The following ZBTB10 variants were observed in gnomAD, a reference collection of about 807,000 sequenced individuals.
The protein encoded by ZBTB10 is zinc finger and BTB domain containing 10.
Under a neutral mutation model 76.4 loss-of-function variants are expected in ZBTB10, and 32 were observed. That is an observed-to-expected ratio of 0.42 (90% CI 0.32 to 0.56). ZBTB10 has a LOEUF of 0.56. ZBTB10 is among the 20% of genes least tolerant of loss of function. The pLI, the probability that ZBTB10 is intolerant of heterozygous loss-of-function variation, is 0.14. For missense variants in ZBTB10, 1,057 were observed against 1,098.5 expected, an observed-to-expected ratio of 0.96 and a Z score of 0.53; for synonymous variants, 523 against 432.9, an observed-to-expected ratio of 1.21 and a Z score of -2.58.
rs1012648319 is a variant in ZBTB10 at position 80,525,035 on chromosome 8, C to T, written c.*5507C>T. On this transcript the variant is annotated 3_prime_UTR_variant, in exon 6 of 6. Coordinates refer to ENST00000455036, the MANE Select transcript of ZBTB10 (RefSeq NM_001105539.3). The stretch of plus-strand genomic sequence containing the variant: ...AAATTTGGTATGTATAAGTACTGGA[C>T]GAAGGATGTTTTGACACTAAAAAGG... The T allele has an allele frequency of 4.6e-5, 7 of 151,688 alleles. No individual in the cohort carries two copies. The highest frequency in any genetic ancestry group is 7.3e-5 in the African/African-American group (3 of 41,272). 9.4% of individuals were successfully genotyped at this position (151,688 alleles called of 1,614,324 possible).
chr8:80,490,269 T>G (rs1815590177), intron 1 of ZBTB10, among the ~76,000 whole-genome samples: 1 of 152,164 alleles, frequency 6.6e-6, no homozygotes, highest in African/African-American at 2.4e-5. Flanking sequence ...CTTTTTGTTT[T>G]GTTTTTTTGA....
In ZBTB10 at chr8:80,487,254, G is replaced by T. The variant is rs1398996646; in HGVS notation, c.444G>T (p.Trp148Cys). 1.4e-5 allele frequency: 22 copies of T among 1,551,102 alleles called. No homozygotes were observed. Among genetic ancestry groups the T allele is most frequent in the Admixed American group, 1.9e-5 (1 of 51,582 alleles). ...SSRGRPETSV[W>C]PLRHFNGRGP... Reference sequence around the variant, plus strand: ...GCGGCCGCCCCGAGACCTCGGTGTGGCCCTTGAGGCATTTCAATGGGCGAG... The same window carrying T: ...GCGGCCGCCCCGAGACCTCGGTGTGTCCCTTGAGGCATTTCAATGGGCGAG... Residue 148 changes from tryptophan to cysteine, a missense_variant, in exon 1 of 6, where the codon TGG becomes TGT. This residue lies in a region of ZBTB10 where 556 missense variants were observed against 451.7 expected (regional missense o/e 1.23). Transcript: ENST00000455036.
In ZBTB10 at chr8:80,487,601, C is replaced by G; in HGVS notation, c.791C>G (p.Ser264Cys). 1 of 1,613,716 alleles carries G rather than the reference C, an allele frequency of 6.2e-7. No homozygotes were observed. The highest frequency in any genetic ancestry group is 8.5e-7 in the Non-Finnish European group (1 of 1,179,760). ...AAGGACTTTCCCTGGCTGCGCTATT[C>G]CAAGGATACTGGTCTTATGTCTTGC... ...WLKDFPWLRY[S>C]KDTGLMSCGW... is the part of the protein sequence containing the mutation. Residue 264 changes from serine (S) to cysteine (C), a missense_variant, in exon 1 of 6, where the codon TCC becomes TGC. Physicochemically the swap from Ser to Cys is moderately radical, Grantham distance 112. Transcript: ENST00000455036.
intron 2 of ZBTB10, among the ~76,000 whole-genome samples, chr8:80,506,944 A>G (rs1449973010): frequency 6.7e-6 from 1 of 149,410 alleles, no homozygotes; most frequent in Non-Finnish European, 1.5e-5. Flanking sequence ...GGGTTCTAAT[A>G]ATTAGGGGGA....
chr8:80,486,637 C>T lies in ZBTB10; in HGVS notation c.-174C>T. 7.1e-6 allele frequency: 7 copies of T among 988,168 alleles called. No individual in the cohort carries two copies. Among genetic ancestry groups the T allele is most frequent in the Non-Finnish European group, 8.4e-6 (7 of 832,010 alleles). The allele number at this position is 988,168 out of a possible 1,614,324, so 61.2% of individuals were successfully genotyped here. ...AGCGGCAGCGGACGCGTGCAGCAGA[C>T]CCGGGAGCGAGCGCGAGCCGGGCTG... On this transcript the variant is annotated 5_prime_UTR_variant, in exon 1 of 6. Coordinates refer to ENST00000455036, the MANE Select transcript of ZBTB10 (RefSeq NM_001105539.3).
At chr8:80,485,767 C>G, upstream of ZBTB10, 1 of 1,533,094 alleles carries the variant, frequency 6.5e-7, no homozygotes, top group Non-Finnish European at 8.7e-7. Flanking sequence ...TTGGGCACCG[C>G]CACCCACCCT....
chr8:80,501,848 T>C (rs1815933718), intron 2 of ZBTB10, among the ~76,000 whole-genome samples: 1 of 152,254 alleles, frequency 6.6e-6, no homozygotes, highest in South Asian at 2.1e-4. Flanking sequence ...GCTAGCACTT[T>C]GTTTTGTCTT....
rs531241942 is a variant in ZBTB10, at chr8:80,495,123, A to ATCTC, written c.973-4361_973-4358dup. ...ATTTGGGAGGGAGAAGGGGATTCAA[A>ATCTC]TCTCTCTCTCTCTTTTTTTTTTTTT... On this transcript the variant is annotated intron_variant, in intron 1 of 5. Transcript: ENST00000455036. Among the ~76,000 whole-genome samples the ATCTC allele has an allele frequency of 9.6e-3, 1,427 of 148,188 alleles. 18 individuals carry two copies. The highest frequency in any genetic ancestry group is 0.033 in the African/African-American group (1,362 of 40,760).
intron 2 of ZBTB10, among the ~76,000 whole-genome samples, chr8:80,501,045 T>C (rs1305846463): frequency 6.6e-6 from 1 of 152,280 alleles, no homozygotes; most frequent in East Asian, 1.9e-4. Flanking sequence ...TTTGTATTTT[T>C]AGTAGAGATG....
intron 1 of ZBTB10, among the ~76,000 whole-genome samples, chr8:80,494,372 C>T (rs1469658910): frequency 1.3e-5 from 2 of 152,164 alleles, no homozygotes. Flanking sequence ...GTTAGCCTCT[C>T]TTCCTCTACC....
intron 2 of ZBTB10, among the ~76,000 whole-genome samples, chr8:80,507,611 C>G (rs1816092863): frequency 6.6e-6 from 1 of 150,730 alleles, no homozygotes; most frequent in East Asian, 2.0e-4. Context: ...CAGACTCCAT[C>G]TCAAAAAAAA....
At chr8:80,486,054 C>A (rs906855339), upstream of ZBTB10, 2 of 1,047,562 alleles carry the variant, frequency 1.9e-6, no homozygotes, top group African/African-American at 1.7e-5. Context: ...CGGCCGCACC[C>A]CCGCCCCCAG....
Position 80,486,736 on chromosome 8 carries a change from C to G in ZBTB10, c.-75C>G, listed in dbSNP as rs1299614675. The G allele has an allele frequency of 2.0e-6, 2 of 1,014,456 alleles. No individual in the cohort carries two copies. Among genetic ancestry groups the G allele is most frequent in the Non-Finnish European group, 2.4e-6 (2 of 849,840 alleles). The allele number at this position is 1,014,456 out of a possible 1,614,324, so 62.8% of individuals were successfully genotyped here. On this transcript the variant is annotated 5_prime_UTR_variant, in exon 1 of 6. Transcript: ENST00000455036. ...CGGGGGCGAGACAGAGGGGGAGCCG[C>G]GGGGAGCGCGCGGGACGCGGCCCGA... is the stretch of plus-strand genomic sequence containing the variant.
At chr8:80,517,499 A>G (rs796144080) in intron 3 of ZBTB10, among the ~76,000 whole-genome samples, 14 of 152,298 alleles carry the variant, frequency 9.2e-5, no homozygotes, top group African/African-American at 3.4e-4. Flanking sequence ...ACGTTATTTT[A>G]TTTAAGGATG....
chr8:80,504,089 A>G (rs1815992147), intron 2 of ZBTB10, among the ~76,000 whole-genome samples: 1 of 152,206 alleles, frequency 6.6e-6, no homozygotes. Flanking sequence ...TGCTGCATGA[A>G]AACCTTGAAA....
Position 80,506,864 on chromosome 8 carries a change from C to T in ZBTB10, c.1861+6482C>T, listed in dbSNP as rs1351572502. On this transcript the variant is annotated intron_variant, in intron 2 of 5. Coordinates refer to ENST00000455036, the MANE Select transcript of ZBTB10 (RefSeq NM_001105539.3). ...TGTTTTGCTAAACCTCTTAGGCATC[C>T]TATGGAGTATGCTATGAAGGATGAG... Among the ~76,000 whole-genome samples, 4 of 150,198 alleles carry T rather than the reference C, an allele frequency of 2.7e-5. No homozygotes were observed. The East Asian group carries it at 5.8e-4, about 22-fold the overall frequency.
chr8:80,517,119 C>G (rs1816343727), intron 3 of ZBTB10, among the ~76,000 whole-genome samples: 1 of 152,186 alleles, frequency 6.6e-6, no homozygotes, highest in African/African-American at 2.4e-5. Context: ...TTGAAAGTCT[C>G]TAGCTTTTAC....
chr8:80,507,135 C>G (rs967979842), intron 2 of ZBTB10, among the ~76,000 whole-genome samples: 3 of 149,464 alleles, frequency 2.0e-5, no homozygotes, highest in African/African-American at 5.0e-5. Flanking sequence ...TGGTGAAACC[C>G]CATCTCTACT....
chr8:80,503,498 A>ATTAT (rs112133197), intron 2 of ZBTB10, among the ~76,000 whole-genome samples: 8,112 of 151,306 alleles, frequency 0.054, 224 homozygotes, highest in South Asian at 0.094. Context: ...AGTGTAATTT[A>ATTAT]TTATTTATTT....
Sources: allele counts gnomAD v4.1 joint callset (sites outside exome capture counted in the v4.1 genomes callset), GRCh38; gene constraint gnomAD v4.1.1; regional missense constraint gnomAD v4.1.1; transcripts MANE v1.5; gene names NCBI Gene and HGNC (gene_info 2026-07-23, HGNC 2026-07-21).